The following NUP160 variants were observed in gnomAD, a reference collection of about 807,000 sequenced individuals.
NUP160 encodes the protein nuclear pore complex protein Nup160.
Under a neutral mutation model 196.9 loss-of-function variants are expected in NUP160, and 94 were observed. That is an observed-to-expected ratio of 0.48 (90% confidence interval 0.40 to 0.57). The LOEUF (loss-of-function observed/expected upper bound fraction) is 0.57, where lower values mean the gene tolerates loss of function less well. Among genes scored for constraint, NUP160 ranks in the 20% least tolerant of loss-of-function variants. The probability of loss-of-function intolerance (pLI) is 0.00; values close to 1 mark genes in which losing one functional copy is unlikely to be tolerated. For synonymous variants in NUP160, 605 were observed against 619.7 expected (o/e 0.98, Z 0.35); for missense variants, 1,638 against 1,748.3 (o/e 0.94, Z 1.13).
Position 47,812,236 on chromosome 11 carries a change from A to G in NUP160, c.2081-12T>C. Reference sequence around the variant, plus strand: ...ATTCAAAGGCTGAGCTGTAAAAAGAAGAAAAATGGAGTTGAATGCATCATT... The same window carrying G: ...ATTCAAAGGCTGAGCTGTAAAAAGAGGAAAAATGGAGTTGAATGCATCATT... On this transcript the variant is annotated splice_polypyrimidine_tract_variant and intron_variant, in intron 16 of 35. Coordinates refer to ENST00000378460, the Ensembl canonical transcript of NUP160. The G allele has an allele frequency of 1.2e-6, 2 of 1,613,926 alleles. No individual in the cohort carries two copies. The highest frequency in any genetic ancestry group is 2.2e-5 in the South Asian group (2 of 91,054).
At position 47,839,881 on chromosome 11, in the gene NUP160, C is replaced by G. The variant is rs199553535; in HGVS notation, c.710G>C (p.Gly237Ala). ...AGGAGGTAGCTTAAGAACAAAGATT[C>G]CCCCAGAAGCACATGGTAAGGCAAA... The change falls in exon 4 of 36, where the codon GGA becomes GCA. Residue 237 changes from glycine to alanine, a missense_variant. By Grantham distance (60) the Gly-to-Ala change is moderately conservative. Around this residue, in one of 3 missense-constraint regions of NUP160, gnomAD observed 1,345 missense variants for 1,470.2 expected, o/e 0.91. Coordinates refer to ENST00000378460, the Ensembl canonical transcript of NUP160. 9.9e-6 allele frequency: 16 copies of G among 1,614,088 alleles called. No individual in the cohort carries two copies. In the East Asian group the frequency reaches 3.3e-4, roughly 34 times the overall value.
At chr11:47,810,196 AT>A (rs796660797) in intron 17 of NUP160, among the ~76,000 whole-genome samples, 10 of 149,932 alleles carry the variant, frequency 6.7e-5, no homozygotes, top group East Asian at 3.9e-4. Flanking sequence ...TATCTTCCCA[AT>A]TTTTTTTTTC....
At chr11:47,795,055 G>C (rs951078344) in intron 27 of NUP160, among the ~76,000 whole-genome samples, 1 of 151,966 alleles carries the variant, frequency 6.6e-6, no homozygotes, top group Non-Finnish European at 1.5e-5. Flanking sequence ...AGCCGAGATC[G>C]AGACACTGCA....
At chr11:47,835,586 C>T (rs1852156284) in intron 7 of NUP160, 65 bp downstream of exon 7, 6 of 1,355,636 alleles carry the variant, frequency 4.4e-6, no homozygotes, top group Non-Finnish European at 6.0e-6. Context: ...CTCACTGAGT[C>T]TACAGCCATT....
chr11:47,789,944 CTTTTTT>C (rs34563280), intron 29 of NUP160, among the ~76,000 whole-genome samples: 2 of 130,168 alleles, frequency 1.5e-5, no homozygotes, highest in African/African-American at 5.6e-5. Context: ...ATATACTGTA[CTTTTTT>C]TTTTTTTTTT....
Position 47,832,610 on chromosome 11 carries a change from TCCAA to T in NUP160, c.1101+3037_1101+3040del, listed in dbSNP as rs370968220. ...TTTTCCACACTCCTACAATTGCATCTCCAACCAGTCAGCAGCACTCATAGCCTCG... is the reference window on the plus strand; with the variant it reads ...TTTTCCACACTCCTACAATTGCATCTCCAGTCAGCAGCACTCATAGCCTCG... On this transcript the variant is annotated intron_variant, in intron 7 of 35. Coordinates refer to ENST00000378460, the Ensembl canonical transcript of NUP160. 5.2e-3 allele frequency among the ~76,000 whole-genome samples: 797 copies of T among 152,292 alleles called. 9 individuals are homozygous for T. Among genetic ancestry groups the T allele is most frequent in the African/African-American group, 0.017 (714 of 41,536 alleles).
chr11:47,840,354 A>C, intron 3 of NUP160, 24 bp downstream of exon 3: 3 of 1,581,234 alleles, frequency 1.9e-6, no homozygotes, highest in Admixed American at 3.3e-5. Flanking sequence ...GGGAAATAAA[A>C]GATATTGCAC....
chr11:47,786,889 A>C, intron 31 of NUP160: 1 of 261,424 alleles, frequency 3.8e-6, no homozygotes, highest in Non-Finnish European at 7.7e-6. Context: ...CCCAGGTTCA[A>C]GTGATTCTCC....
intron 17 of NUP160, among the ~76,000 whole-genome samples, chr11:47,810,206 TC>T (rs1407993725): frequency 2.6e-5 from 4 of 152,042 alleles, no homozygotes; most frequent in African/African-American, 9.7e-5. Flanking sequence ...ATTTTTTTTT[TC>T]TTTTTTTTGA....
chr11:47,803,951 C>A (rs537136164), intron 21 of NUP160, among the ~76,000 whole-genome samples: 7 of 151,950 alleles, frequency 4.6e-5, no homozygotes, highest in Non-Finnish European at 1.5e-5. Flanking sequence ...TCTGGGGAGA[C>A]GGGTGGATCA....
At chr11:47,801,249 C>G (rs376496519) in intron 23 of NUP160, among the ~76,000 whole-genome samples, 1 of 152,076 alleles carries the variant, frequency 6.6e-6, no homozygotes, top group Non-Finnish European at 1.5e-5. Context: ...AATACCATGA[C>G]GAAAATTTCA....
In NUP160 at chr11:47,803,419, C is replaced by T. The variant is rs147155203; in HGVS notation, c.2775+19G>A. 2.8e-6 allele frequency: 4 copies of T among 1,430,208 alleles called. 1 individual carries two copies. In the East Asian group the frequency reaches 9.1e-5, roughly 32 times the overall value. 88.6% of individuals were successfully genotyped at this position (1,430,208 alleles called of 1,614,324 possible). On this transcript the variant is annotated intron_variant, in intron 22 of 35. Transcript: ENST00000378460. ...CGTTAAAGTTTATAAAGTTTATTTG[C>T]CATTCAAATGTAGTTTACCTTCTGT...
At chr11:47,781,210 G>A (rs528460062) in intron 34 of NUP160, among the ~76,000 whole-genome samples, 112 of 151,978 alleles carry the variant, frequency 7.4e-4, no homozygotes, top group African/African-American at 2.5e-3. Flanking sequence ...GCGACAGAGC[G>A]AGACTCCGTC....
chr11:47,839,767 G>T, intron 4 of NUP160, 76 bp downstream of exon 4: 2 of 1,221,598 alleles, frequency 1.6e-6, no homozygotes, highest in Non-Finnish European at 2.4e-6. Context: ...TCCCTGCATT[G>T]GATGACGAGG....
At chr11:47,782,897 G>A (rs968966068) in intron 34 of NUP160, among the ~76,000 whole-genome samples, 176 bp downstream of exon 34, 3 of 152,182 alleles carry the variant, frequency 2.0e-5, no homozygotes, top group African/African-American at 7.2e-5. Context: ...GACCTCAGGT[G>A]ATCTGTCTGC....
exon 18 of NUP160, chr11:47,808,464 T>A (rs564280987): frequency 6.2e-7 from 1 of 1,613,486 alleles, no homozygotes; most frequent in Non-Finnish European, 8.5e-7. Context: ...AAGATAAGAG[T>A]AGGGGAGCTG....
At chr11:47,803,713 C>T (rs539686771) in intron 21 of NUP160, among the ~76,000 whole-genome samples, 177 bp from the exon 22 acceptor site, 73 of 152,300 alleles carry the variant, frequency 4.8e-4, no homozygotes, top group African/African-American at 1.7e-3. Flanking sequence ...CATCCATTCC[C>T]CCTTTCCTTA....
chr11:47,814,808 G>T (rs1457968152), intron 13 of NUP160, among the ~76,000 whole-genome samples: 1 of 152,164 alleles, frequency 6.6e-6, no homozygotes, highest in African/African-American at 2.4e-5. Flanking sequence ...AGTAGTTCAG[G>T]AAAAACTGTT....
exon 36 of NUP160, chr11:47,778,959 C>T: frequency 3.3e-6 from 2 of 614,140 alleles, no homozygotes; most frequent in Non-Finnish European, 5.9e-6. Context: ...ACTCTTCCGC[C>T]CTCCTATCTT....
Sources: allele counts gnomAD v4.1 joint callset (sites outside exome capture counted in the v4.1 genomes callset), GRCh38; gene constraint gnomAD v4.1.1; regional missense constraint gnomAD v4.1.1; transcripts MANE v1.5; gene names NCBI Gene and HGNC (gene_info 2026-07-23, HGNC 2026-07-21).